The following KLF12 variants were observed in gnomAD, a reference collection of about 807,000 sequenced individuals.
KLF12 encodes Krueppel-like factor 12.
In KLF12, 9 loss-of-function variants were observed where a neutral mutation model predicts 37.8. The observed-to-expected ratio is 0.24, with a 90% CI of 0.14 to 0.42. KLF12 has a LOEUF of 0.42. Ranked by LOEUF, KLF12 falls within the 10% of genes least tolerant of loss-of-function variation. The probability of loss-of-function intolerance (pLI) is 1.00; values close to 1 mark genes in which losing one functional copy is unlikely to be tolerated. For synonymous variants in KLF12, 208 were observed against 202.1 expected (o/e 1.03, Z -0.25); for missense variants, 411 against 516.0 (o/e 0.80, Z 1.97).
intron 2 of KLF12, among the ~76,000 whole-genome samples, chr13:73,994,452 T>C (rs1892051170): frequency 7.4e-6 from 1 of 135,494 alleles, no homozygotes; most frequent in African/African-American, 2.6e-5. Context: ...TGAGGACTGT[T>C]GAAATTCACA....
chr13:74,176,345 T>G, the KLF12 span, among the ~76,000 whole-genome samples: 4 of 152,136 alleles, frequency 2.6e-5, no homozygotes, highest in African/African-American at 4.8e-5. Flanking sequence ...TACATAAAAT[T>G]TTTCATTTGA....
upstream of KLF12, among the ~76,000 whole-genome samples, chr13:74,136,780 T>TAAA (rs58976692): frequency 1.4e-5 from 2 of 143,534 alleles, no homozygotes; most frequent in African/African-American, 2.5e-5. Context: ...CCTGTGTGGT[T>TAAA]AAAAAAAAAA....
At chr13:73,754,342 C>T (rs969097222) in intron 6 of KLF12, among the ~76,000 whole-genome samples, 5 of 152,116 alleles carry the variant, frequency 3.3e-5, no homozygotes, top group Non-Finnish European at 7.4e-5. Context: ...GGTGCTGCTA[C>T]GTTTGTTTTT....
chr13:73,983,704 C>T (rs1891747804), intron 2 of KLF12, among the ~76,000 whole-genome samples: 1 of 152,032 alleles, frequency 6.6e-6, no homozygotes, highest in South Asian at 2.1e-4. Flanking sequence ...AACTCTCAAT[C>T]ACAAATCCCT....
At chr13:74,299,851 T>G in the KLF12 span, among the ~76,000 whole-genome samples, 1 of 152,182 alleles carries the variant, frequency 6.6e-6, no homozygotes, top group Non-Finnish European at 1.5e-5. Flanking sequence ...TCCCCAAGCC[T>G]CTAGCTCTGT....
chr13:74,097,762 A>G (rs1318212356), intron 1 of KLF12, among the ~76,000 whole-genome samples: 1 of 150,708 alleles, frequency 6.6e-6, no homozygotes, highest in Non-Finnish European at 1.5e-5. Flanking sequence ...TTATTAGTTA[A>G]ATGTCTGCAA....
chr13:74,174,594 C>T, the KLF12 span, among the ~76,000 whole-genome samples: 2 of 152,098 alleles, frequency 1.3e-5, no homozygotes, highest in African/African-American at 4.8e-5. Flanking sequence ...AAGGCATTCA[C>T]TGATGTTCCT....
the KLF12 span, among the ~76,000 whole-genome samples, chr13:74,174,108 C>T: frequency 6.6e-6 from 1 of 152,112 alleles, no homozygotes. Context: ...GATTAATGAC[C>T]TCTGCCCTGA....
upstream of KLF12, among the ~76,000 whole-genome samples, chr13:74,136,308 C>T (rs1425771481): frequency 3.3e-5 from 5 of 152,178 alleles, no homozygotes; most frequent in African/African-American, 1.2e-4. Context: ...TGATCCGATC[C>T]TGGGCCTAGG....
At chr13:73,967,998 T>G (rs1007253991) in intron 2 of KLF12, among the ~76,000 whole-genome samples, 1 of 152,198 alleles carries the variant, frequency 6.6e-6, no homozygotes, top group Admixed American at 6.5e-5. Context: ...AATATGGTCA[T>G]GTTCTTTTTA....
intron 3 of KLF12, among the ~76,000 whole-genome samples, chr13:73,912,356 C>A (rs115316063): frequency 0.018 from 2,771 of 152,228 alleles, 92 homozygotes; most frequent in African/African-American, 0.064. Context: ...GAAGTCCTAA[C>A]CCTCAGTACC....
At chr13:74,059,561 G>C (rs1873453884) in intron 1 of KLF12, among the ~76,000 whole-genome samples, 1 of 152,182 alleles carries the variant, frequency 6.6e-6, no homozygotes, top group Non-Finnish European at 1.5e-5. Context: ...ATTTCTTCAT[G>C]TTTGTTGGCC....
the KLF12 span, among the ~76,000 whole-genome samples, chr13:74,181,179 T>C: frequency 6.6e-6 from 1 of 151,356 alleles, no homozygotes; most frequent in Non-Finnish European, 1.5e-5. Context: ...TTTGTATTTT[T>C]AGTAGAGACG....
intron 3 of KLF12, among the ~76,000 whole-genome samples, chr13:73,932,720 T>C (rs1889744734): frequency 6.6e-6 from 1 of 152,158 alleles, no homozygotes; most frequent in South Asian, 2.1e-4. Flanking sequence ...TCTTATGTAG[T>C]AAAATATTTT....
At chr13:74,254,237 T>C in the KLF12 span, among the ~76,000 whole-genome samples, 1 of 152,204 alleles carries the variant, frequency 6.6e-6, no homozygotes, top group African/African-American at 2.4e-5. Context: ...GAGTGGACTT[T>C]CTTGGTACCA....
chr13:74,160,108 T>C, the KLF12 span, among the ~76,000 whole-genome samples: 1 of 152,166 alleles, frequency 6.6e-6, no homozygotes, highest in East Asian at 1.9e-4. Context: ...AATTGGCAAT[T>C]TGGCTTATGA....
chr13:73,824,166 G>C (rs1883699977), intron 4 of KLF12, among the ~76,000 whole-genome samples: 1 of 151,588 alleles, frequency 6.6e-6, no homozygotes, highest in Admixed American at 6.6e-5. Flanking sequence ...TTTCTCATTT[G>C]ATCGGTTGAT....
At chr13:73,872,670 C>T (rs947330905) in intron 3 of KLF12, among the ~76,000 whole-genome samples, 1 of 152,166 alleles carries the variant, frequency 6.6e-6, no homozygotes, top group Non-Finnish European at 1.5e-5. Flanking sequence ...GTGCAGAATC[C>T]AGTTCTTTGG....
At chr13:74,194,671 T>C in the KLF12 span, among the ~76,000 whole-genome samples, 1 of 152,182 alleles carries the variant, frequency 6.6e-6, no homozygotes, top group Non-Finnish European at 1.5e-5. Context: ...ACCAAATATA[T>C]GTTGTGTTTT....
Sources: gnomAD v4.1 joint callset for allele counts (sites outside exome capture counted in the v4.1 genomes callset) on GRCh38, gnomAD v4.1.1 for gene constraint, MANE v1.5 for transcripts, NCBI Gene and HGNC (gene_info 2026-07-23, HGNC 2026-07-21) for gene names.